TNKS: variants seen among roughly 807,000 people sequenced by gnomAD.
TNKS encodes the protein tankyrase, also known as poly [ADP-ribose] polymerase tankyrase-1.
Under a neutral mutation model 135.8 loss-of-function variants are expected in TNKS, and 72 were observed. That is an observed-to-expected ratio of 0.53 (90% CI 0.44 to 0.64). TNKS has a LOEUF of 0.64. Among genes scored for constraint, TNKS ranks in the 30% least tolerant of loss-of-function variants. TNKS has a pLI of 0.00. For synonymous variants in TNKS, 849 were observed against 649.3 expected, an observed-to-expected ratio of 1.31 and a Z score of -4.68; for missense variants, 1,769 against 1,674.0, an observed-to-expected ratio of 1.06 and a Z score of -0.99.
intron 2 of TNKS, among the ~76,000 whole-genome samples, chr8:9,593,551 C>G (rs1323858955): frequency 6.6e-6 from 1 of 152,100 alleles, no homozygotes; most frequent in African/African-American, 2.4e-5. Flanking sequence ...TAATCTTCAC[C>G]AAACCCCCTT....
rs1319858958 is a variant in TNKS at position 9,709,939 on chromosome 8, T to TAAA, written c.1579-16_1579-15insAAA. On this transcript the variant is annotated splice_polypyrimidine_tract_variant and intron_variant, in intron 9 of 26. Transcript: ENST00000310430. ...TGGAAGTGTATTTTATTAACTTGGTTTTGTTTACTTTATAGCACTGTGCTG... is the reference window on the plus strand; with the variant it reads ...TGGAAGTGTATTTTATTAACTTGGTTAAATTGTTTACTTTATAGCACTGTGCTG... 3 of 1,607,612 alleles carry TAAA rather than the reference T, an allele frequency of 1.9e-6. No individual in the cohort carries two copies. The African/African-American group carries it at 4.0e-5, about 21-fold the overall frequency.
At chr8:9,759,802 A>G (rs1176322223) in intron 20 of TNKS, among the ~76,000 whole-genome samples, 3 of 151,788 alleles carry the variant, frequency 2.0e-5, no homozygotes, top group Admixed American at 2.0e-4. Flanking sequence ...GTGAAACCCC[A>G]TCTCTACTAA....
intron 12 of TNKS, 111 bp downstream of exon 12, chr8:9,720,656 T>A: frequency 7.9e-7 from 1 of 1,263,886 alleles, no homozygotes; most frequent in Non-Finnish European, 1.1e-6. Flanking sequence ...CTCATGTCTT[T>A]TCTTGCAATT....
chr8:9,772,206 T>C (rs1022286574), intron 26 of TNKS, among the ~76,000 whole-genome samples: 6 of 151,416 alleles, frequency 4.0e-5, no homozygotes, highest in African/African-American at 7.3e-5. Flanking sequence ...ATTGTTTCAC[T>C]AAGGAGAAGA....
intron 3 of TNKS, among the ~76,000 whole-genome samples, chr8:9,664,981 T>C (rs192372387): frequency 6.6e-6 from 1 of 152,350 alleles, no homozygotes; most frequent in East Asian, 1.9e-4. Context: ...AAGCCAAATA[T>C]AGTAACTTCT....
intron 2 of TNKS, among the ~76,000 whole-genome samples, chr8:9,613,432 G>C (rs1382185726): frequency 6.6e-6 from 1 of 152,180 alleles, no homozygotes; most frequent in Non-Finnish European, 1.5e-5. Context: ...GACCCCTGCT[G>C]ATCTAATGAG....
chr8:9,724,286 C>T (rs1420079931), intron 12 of TNKS, among the ~76,000 whole-genome samples: 2 of 152,028 alleles, frequency 1.3e-5, no homozygotes, highest in Non-Finnish European at 2.9e-5. Context: ...CCCGTCTCTA[C>T]TTAAAAATTT....
At chr8:9,596,560 A>G (rs1036251656) in intron 2 of TNKS, among the ~76,000 whole-genome samples, 1 of 152,204 alleles carries the variant, frequency 6.6e-6, no homozygotes, top group Non-Finnish European at 1.5e-5. Flanking sequence ...AAGATTAAGA[A>G]TGTTAACCTT....
Position 9,556,615 on chromosome 8 carries a change from CAG to C in TNKS, c.673+7_673+8del. 6.2e-7 allele frequency: 1 copy of C among 1,613,128 alleles called. No homozygotes were observed. Among genetic ancestry groups the C allele is most frequent in the Non-Finnish European group, 8.5e-7 (1 of 1,180,020 alleles). The stretch of plus-strand genomic sequence containing the variant: ...TTCTCCCCTGCACTTCGCTGCAGGT[CAG>C]AGACTTTTGAATTGTTTATTAAGGG... On this transcript the variant is annotated splice_donor_5th_base_variant and intron_variant, in intron 1 of 26. Transcript: ENST00000310430.
intron 2 of TNKS, among the ~76,000 whole-genome samples, chr8:9,583,489 AT>A (rs949170348): frequency 6.0e-5 from 9 of 149,534 alleles, no homozygotes; most frequent in African/African-American, 2.2e-4. Context: ...ATGCTATATG[AT>A]TTTTTTTTTC....
At chr8:9,570,834 G>A (rs187871513) in intron 1 of TNKS, among the ~76,000 whole-genome samples, 7 of 152,270 alleles carry the variant, frequency 4.6e-5, no homozygotes, top group African/African-American at 1.7e-4. Context: ...TACCCAGTGT[G>A]GTGGCATGTC....
chr8:9,699,908 C>T (rs2128805391), intron 5 of TNKS, among the ~76,000 whole-genome samples: 1 of 152,352 alleles, frequency 6.6e-6, no homozygotes, highest in South Asian at 2.1e-4. Context: ...TCATACACTA[C>T]ACTTAGCCAC....
intron 3 of TNKS, among the ~76,000 whole-genome samples, chr8:9,663,871 G>A (rs1034924365): frequency 6.6e-5 from 10 of 152,122 alleles, no homozygotes; most frequent in Non-Finnish European, 2.9e-5. Flanking sequence ...ACCTCCACAC[G>A]TTCAGTAACC....
chr8:9,729,849 C>T (rs1006601773), intron 13 of TNKS, among the ~76,000 whole-genome samples: 1 of 143,720 alleles, frequency 7.0e-6, no homozygotes. Context: ...TTTCGGCTCA[C>T]TGCAACCTCT....
chr8:9,636,350 T>A (rs1251760716), intron 3 of TNKS, among the ~76,000 whole-genome samples: 1 of 150,964 alleles, frequency 6.6e-6, no homozygotes, highest in Admixed American at 6.6e-5. Flanking sequence ...AGTTATGTGG[T>A]CATGCCATCT....
intron 6 of TNKS, 65 bp from the exon 7 acceptor site, chr8:9,706,122 T>A: frequency 9.1e-7 from 1 of 1,095,750 alleles, no homozygotes; most frequent in Non-Finnish European, 1.3e-6. Context: ...TTTTATTTCT[T>A]AGTACGACAT....
chr8:9,751,661 C>G lies in TNKS; in HGVS notation c.2885C>G (p.Pro962Arg). 1 of 1,614,144 alleles carries G rather than the reference C, an allele frequency of 6.2e-7. No homozygotes were observed. Among genetic ancestry groups the G allele is most frequent in the Non-Finnish European group, 8.5e-7 (1 of 1,180,036 alleles). ...LIDAMPPEALPTCFKPQATVV... is the reference protein window; with the variant it reads ...LIDAMPPEALRTCFKPQATVV... ...GATGCCATGCCCCCAGAGGCCTTACCTACCTGTTTTAAACCTCAGGCTACT... is the reference window on the plus strand; with the variant it reads ...GATGCCATGCCCCCAGAGGCCTTACGTACCTGTTTTAAACCTCAGGCTACT... Residue 962 changes from proline to arginine, a missense_variant, in exon 19 of 27, where the codon CCT (proline) becomes CGT (arginine). Around this residue, in one of 5 missense-constraint regions of TNKS, gnomAD observed 722 missense variants for 688.9 expected, o/e 1.05. Transcript: ENST00000310430.
At chr8:9,674,556 T>A (rs1241150580) in intron 3 of TNKS, among the ~76,000 whole-genome samples, 2 of 152,194 alleles carry the variant, frequency 1.3e-5, no homozygotes, top group Non-Finnish European at 2.9e-5. Flanking sequence ...TGGTGAATGG[T>A]CTCTCTGCAA....
chr8:9,742,153 T>C lies in TNKS; in HGVS notation c.2644-5871T>C, dbSNP rs1585403619. On this transcript the variant is annotated intron_variant, in intron 17 of 26. Transcript: ENST00000310430. Reference sequence around the variant, plus strand: ...ATGCAAATGGGCTACATAATGTGTTTATAGCAGGTATTTTTACCTCATTGT... The same window carrying C: ...ATGCAAATGGGCTACATAATGTGTTCATAGCAGGTATTTTTACCTCATTGT... Among the ~76,000 whole-genome samples, 3 of 152,176 alleles carry C rather than the reference T, an allele frequency of 2.0e-5. No individual in the cohort carries two copies. The East Asian group carries it at 5.8e-4, about 29-fold the overall frequency.
Sources: gnomAD v4.1 joint callset for allele counts (sites outside exome capture counted in the v4.1 genomes callset) on GRCh38, gnomAD v4.1.1 for gene constraint, gnomAD v4.1.1 regional missense constraint, MANE v1.5 for transcripts, NCBI Gene and HGNC (gene_info 2026-07-23, HGNC 2026-07-21) for gene names.